Variants in AGBL1 observed in about 807,000 individuals in gnomAD.
The protein encoded by AGBL1 is cytosolic carboxypeptidase 4.
AGBL1 carries 130 observed loss-of-function variants against 118.9 expected under a neutral mutation model. The ratio of observed to expected loss-of-function variants is 1.09; its 90% CI spans 0.95 to 1.26. AGBL1 has a LOEUF of 1.26. Among genes scored for constraint, AGBL1 ranks in the 50% most tolerant of loss-of-function variants. The pLI is 0.00. For synonymous variants in AGBL1, 555 were observed against 478.9 expected, an observed-to-expected ratio of 1.16 and a Z score of -2.08; for missense variants, 1,584 against 1,298.1, an observed-to-expected ratio of 1.22 and a Z score of -3.38.
chr15:86,438,436 G>A (rs143567277), intron 18 of AGBL1, among the ~76,000 whole-genome samples: 3 of 151,880 alleles, frequency 2.0e-5, no homozygotes, highest in Non-Finnish European at 2.9e-5. Flanking sequence ...AATAACATTC[G>A]CTTTATCAGA....
intron 1 of AGBL1, among the ~76,000 whole-genome samples, chr15:86,129,675 G>T (rs992551908): frequency 5.3e-5 from 8 of 152,124 alleles, no homozygotes; most frequent in Non-Finnish European, 1.2e-4. Flanking sequence ...AGCGGGTAGA[G>T]ACCAGGAATA....
chr15:86,977,407 T>G (rs1162975079), intron 23 of AGBL1, among the ~76,000 whole-genome samples: 3 of 151,598 alleles, frequency 2.0e-5, no homozygotes, highest in African/African-American at 7.2e-5. Flanking sequence ...TTTTTTACTA[T>G]TGTGATACAT....
At chr15:86,099,049 A>C (rs1010993800) in intron 1 of AGBL1, among the ~76,000 whole-genome samples, 1 of 152,106 alleles carries the variant, frequency 6.6e-6, no homozygotes, top group Non-Finnish European at 1.5e-5. Context: ...TTGATACGCA[A>C]CATATCAAAA....
Position 86,803,989 on chromosome 15 carries a change from A to G in AGBL1, c.3159-103098A>G, listed in dbSNP as rs990228801. ...GGCATAGGGAAAGACAATATGGACTAGTGCTTATAACAAGTCTGTTATCCA... is the reference window on the plus strand; with the variant it reads ...GGCATAGGGAAAGACAATATGGACTGGTGCTTATAACAAGTCTGTTATCCA... On this transcript the variant is annotated intron_variant, in intron 22 of 22. Coordinates refer to ENST00000614907, the MANE Select transcript of AGBL1 (RefSeq NM_001386094.1). Among the ~76,000 whole-genome samples the G allele has an allele frequency of 8.8e-4, 134 of 152,260 alleles. 1 individual carries two copies. Among genetic ancestry groups the G allele is most frequent in the African/African-American group, 3.1e-3 (129 of 41,560 alleles).
intron 18 of AGBL1, among the ~76,000 whole-genome samples, chr15:86,451,769 G>A (rs1385199008): frequency 6.6e-6 from 1 of 151,904 alleles, no homozygotes; most frequent in Non-Finnish European, 1.5e-5. Flanking sequence ...CTGTTCTAAT[G>A]TGCTTTCCTA....
rs141290752 is a variant in AGBL1, at chr15:86,764,092, CAG to C, written c.3158+89658_3158+89659del. On this transcript the variant is annotated intron_variant, in intron 22 of 22. Coordinates refer to ENST00000614907, the MANE Select transcript of AGBL1 (RefSeq NM_001386094.1). Reference sequence around the variant, plus strand: ...TAATGGGGAAAGACAGAAGGAAAAACAGAAGTTGCTTTACCTTTCTGATCTCT... The same window carrying C: ...TAATGGGGAAAGACAGAAGGAAAAACAAGTTGCTTTACCTTTCTGATCTCT... 2.2e-3 allele frequency among the ~76,000 whole-genome samples: 334 copies of C among 152,072 alleles called. 3 individuals are homozygous for C. The highest frequency in any genetic ancestry group is 7.4e-3 in the African/African-American group (309 of 41,522).
intron 17 of AGBL1, among the ~76,000 whole-genome samples, chr15:86,300,668 C>T (rs938141940): frequency 6.6e-6 from 1 of 152,190 alleles, no homozygotes; most frequent in Non-Finnish European, 1.5e-5. Flanking sequence ...GTGAGATAAT[C>T]TCACTCCCCT....
intron 22 of AGBL1, among the ~76,000 whole-genome samples, chr15:86,884,223 A>G (rs772984411): frequency 2.6e-5 from 4 of 152,184 alleles, no homozygotes; most frequent in Admixed American, 2.6e-4. Context: ...CATAATGACA[A>G]TGGATCTGGT....
chr15:86,965,194 G>A (rs1596682977), intron 23 of AGBL1, among the ~76,000 whole-genome samples: 1 of 152,166 alleles, frequency 6.6e-6, no homozygotes, highest in East Asian at 1.9e-4. Flanking sequence ...CTAGATCCTT[G>A]AGGAATCGCC....
intron 19 of AGBL1, among the ~76,000 whole-genome samples, chr15:86,526,193 T>C (rs377140827): frequency 1.3e-5 from 2 of 151,904 alleles, no homozygotes; most frequent in South Asian, 2.1e-4. Context: ...AGAATGGCCG[T>C]TTTTAAAAGA....
At chr15:86,159,748 T>C (rs1402254233) in intron 5 of AGBL1, among the ~76,000 whole-genome samples, 1 of 152,100 alleles carries the variant, frequency 6.6e-6, no homozygotes, top group Non-Finnish European at 1.5e-5. Flanking sequence ...ATTTCCAAGA[T>C]AGATGGGATC....
At chr15:86,136,578 A>G (rs2076892313) in intron 1 of AGBL1, among the ~76,000 whole-genome samples, 1 of 152,198 alleles carries the variant, frequency 6.6e-6, no homozygotes, top group African/African-American at 2.4e-5. Context: ...TATGCTACAA[A>G]GAGTGGGGAG....
At chr15:86,257,870 G>A in intron 8 of AGBL1, 94 bp from the exon 9 acceptor site, 1 of 1,189,780 alleles carries the variant, frequency 8.4e-7, no homozygotes, top group Non-Finnish European at 1.2e-6. Flanking sequence ...TTTGAGAGAG[G>A]AAGAAGAAAG....
intron 17 of AGBL1, among the ~76,000 whole-genome samples, chr15:86,374,350 C>T (rs2081008308): frequency 6.6e-6 from 1 of 152,222 alleles, no homozygotes; most frequent in African/African-American, 2.4e-5. Flanking sequence ...GACTGCCCTA[C>T]AGGTCTGCAT....
At chr15:86,607,486 G>C (rs544618902) in intron 21 of AGBL1, among the ~76,000 whole-genome samples, 3 of 152,264 alleles carry the variant, frequency 2.0e-5, no homozygotes, top group African/African-American at 7.2e-5. Context: ...TGATTTTGTA[G>C]GAAACCACCA....
chr15:86,166,899 G>A (rs185184793), intron 5 of AGBL1, among the ~76,000 whole-genome samples: 1 of 152,066 alleles, frequency 6.6e-6, no homozygotes, highest in African/African-American at 2.4e-5. Flanking sequence ...CCTGATGACG[G>A]TCCTCTACAG....
In AGBL1 at chr15:86,307,917, T is replaced by C. The variant is rs192551014; in HGVS notation, c.2374+12509T>C. 4.6e-5 allele frequency among the ~76,000 whole-genome samples: 7 copies of C among 152,284 alleles called. No homozygotes were observed. The East Asian group carries it at 1.3e-3, about 29-fold the overall frequency. ...TATTTTAGTCCCCATAACAATTTGC[T>C]CAATGGCTTTCACTCATACTACCTC... On this transcript the variant is annotated intron_variant, in intron 17 of 22. Transcript: ENST00000614907.
intron 22 of AGBL1, among the ~76,000 whole-genome samples, chr15:86,787,654 T>A (rs2078432650): frequency 6.6e-6 from 1 of 152,206 alleles, no homozygotes; most frequent in African/African-American, 2.4e-5. Flanking sequence ...TTTGGTTGTT[T>A]CCATATTTTG....
chr15:86,111,950 G>A (rs1057061255), intron 1 of AGBL1, among the ~76,000 whole-genome samples: 6 of 152,234 alleles, frequency 3.9e-5, no homozygotes, highest in East Asian at 3.9e-4. Flanking sequence ...GAGCCCTGTC[G>A]TGAACTGCGC....
Sources: allele counts gnomAD v4.1 joint callset (sites outside exome capture counted in the v4.1 genomes callset), GRCh38; gene constraint gnomAD v4.1.1; transcripts MANE v1.5; gene names NCBI Gene and HGNC (gene_info 2026-07-23, HGNC 2026-07-21).